THSD4: variants seen among roughly 807,000 people sequenced by gnomAD.
THSD4 encodes thrombospondin type 1 domain containing 4.
In THSD4, 69 loss-of-function variants were observed where a neutral mutation model predicts 119.0. The observed-to-expected ratio is 0.58, with a 90% CI of 0.48 to 0.71. The LOEUF is 0.71. Ranked by LOEUF, THSD4 falls within the 30% of genes least tolerant of loss-of-function variation. THSD4 has a pLI of 0.00. For synonymous variants in THSD4, 524 were observed against 540.4 expected (o/e 0.97, Z 0.42); for missense variants, 1,393 against 1,391.1 (o/e 1.00, Z -0.02).
chr15:71,764,026 C>T (rs555692451), intron 15 of THSD4, among the ~76,000 whole-genome samples: 226 of 151,948 alleles, frequency 1.5e-3, no homozygotes, highest in African/African-American at 3.2e-3. Context: ...AAGATCACTC[C>T]GCTGCACTCC....
intron 6 of THSD4, among the ~76,000 whole-genome samples, chr15:71,260,682 G>A (rs957179346): frequency 6.6e-6 from 1 of 152,096 alleles, no homozygotes; most frequent in Non-Finnish European, 1.5e-5. Flanking sequence ...CCATCTCTAG[G>A]TTCTGTTTAC....
At chr15:71,743,255 G>A (rs1328349050) in intron 11 of THSD4, among the ~76,000 whole-genome samples, 1 of 152,128 alleles carries the variant, frequency 6.6e-6, no homozygotes, top group African/African-American at 2.4e-5. Flanking sequence ...ATTCCTATGG[G>A]AGCCTGTATC....
At chr15:71,350,851 CCA>C (rs2045734871) in intron 6 of THSD4, among the ~76,000 whole-genome samples, 1 of 152,164 alleles carries the variant, frequency 6.6e-6, no homozygotes, top group Non-Finnish European at 1.5e-5. Context: ...AACCACGTGG[CCA>C]CACTTTTGTA....
intron 7 of THSD4, among the ~76,000 whole-genome samples, chr15:71,494,512 A>G (rs1057114689): frequency 6.6e-6 from 1 of 152,196 alleles, no homozygotes; most frequent in Non-Finnish European, 1.5e-5. Context: ...ATTATATACA[A>G]TGTTTCCTAT....
Position 71,215,093 on chromosome 15 carries a change from C to T in THSD4, c.158C>T (p.Pro53Leu). Residue 53 changes from proline to leucine, a missense_variant, in exon 4 of 18, where the codon CCG (proline) becomes CTG (leucine). Transcript: ENST00000261862. The part of the protein sequence containing the change: ...APEDDGGGGA[P>L]GVWGAWGPWS... Reference sequence around the variant, plus strand: ...GAGGACGACGGCGGCGGCGGCGCCCCGGGAGTGTGGGGCGCCTGGGGCCCC... The same window carrying T: ...GAGGACGACGGCGGCGGCGGCGCCCTGGGAGTGTGGGGCGCCTGGGGCCCC... The T allele has an allele frequency of 7.6e-7, 1 of 1,319,540 alleles. No homozygotes were observed. Among genetic ancestry groups the T allele is most frequent in the Non-Finnish European group, 9.7e-7 (1 of 1,033,690 alleles). 81.7% of individuals were successfully genotyped at this position (1,319,540 alleles called of 1,614,324 possible).
chr15:71,488,134 C>A (rs2047851373), intron 7 of THSD4, among the ~76,000 whole-genome samples: 1 of 152,156 alleles, frequency 6.6e-6, no homozygotes, highest in Non-Finnish European at 1.5e-5. Flanking sequence ...AGCTCTTGGG[C>A]AGCGGTAGAT....
intron 7 of THSD4, among the ~76,000 whole-genome samples, chr15:71,455,896 T>C (rs2047332559): frequency 6.6e-6 from 1 of 152,192 alleles, no homozygotes. Flanking sequence ...TTGTTTCCCT[T>C]GAGCAACAGA....
At chr15:71,718,268 C>G (rs1252327039) in intron 8 of THSD4, among the ~76,000 whole-genome samples, 1 of 152,092 alleles carries the variant, frequency 6.6e-6, no homozygotes, top group Non-Finnish European at 1.5e-5. Flanking sequence ...TCAGGTTTCT[C>G]TTCTAGATAA....
rs1019431332 is a variant in THSD4 at position 71,579,318 on chromosome 15, T to C, written c.1153-81212T>C. Among the ~76,000 whole-genome samples the C allele has an allele frequency of 2.6e-5, 4 of 152,306 alleles. No homozygotes were observed. The East Asian group carries it at 7.7e-4, about 29-fold the overall frequency. Reference sequence around the variant, plus strand: ...GTTAACTTGCTTGAGGCCAGCTGTGTGTGAGCATTACCGAGAGCCAGAATG... The same window carrying C: ...GTTAACTTGCTTGAGGCCAGCTGTGCGTGAGCATTACCGAGAGCCAGAATG... On this transcript the variant is annotated intron_variant, in intron 7 of 17. Transcript: ENST00000261862.
chr15:71,243,198 G>T, intron 5 of THSD4, 102 bp downstream of exon 5: 1 of 1,203,288 alleles, frequency 8.3e-7, no homozygotes, highest in South Asian at 1.5e-5. Flanking sequence ...TGGTGTCTGG[G>T]CCATGTTAAC....
intron 3 of THSD4, among the ~76,000 whole-genome samples, chr15:71,204,591 G>A (rs1433602851): frequency 6.6e-6 from 1 of 152,176 alleles, no homozygotes. Flanking sequence ...TATGGAAACT[G>A]AGGTCCCGAG....
At chr15:71,605,796 G>A (rs1231252964) in intron 7 of THSD4, among the ~76,000 whole-genome samples, 2 of 152,212 alleles carry the variant, frequency 1.3e-5, no homozygotes, top group African/African-American at 2.4e-5. Context: ...AGTATTCAAT[G>A]CCAAGAGGCA....
In THSD4 at chr15:71,711,721, C is replaced by T. The variant is rs551536663; in HGVS notation, c.1358-16828C>T. ...GAAACACATTTTTGAAAAGATATTTCGGGGAAATACTAATCAAAAGCAGGA... is the reference window on the plus strand; with the variant it reads ...GAAACACATTTTTGAAAAGATATTTTGGGGAAATACTAATCAAAAGCAGGA... On this transcript the variant is annotated intron_variant, in intron 8 of 17. Coordinates refer to ENST00000261862, the MANE Select transcript of THSD4 (RefSeq NM_024817.3). Among the ~76,000 whole-genome samples, 28 of 152,026 alleles carry T rather than the reference C, an allele frequency of 1.8e-4. No homozygotes were observed. In the South Asian group the frequency reaches 1.9e-3, roughly 10 times the overall value.
chr15:71,774,774 C>T (rs1201306934), intron 17 of THSD4, among the ~76,000 whole-genome samples: 1 of 142,376 alleles, frequency 7.0e-6, no homozygotes, highest in East Asian at 2.0e-4. Context: ...AAGACCCCAT[C>T]TCTGAAAAAA....
chr15:71,353,351 T>C (rs1242237096), intron 6 of THSD4, among the ~76,000 whole-genome samples: 1 of 152,210 alleles, frequency 6.6e-6, no homozygotes, highest in Non-Finnish European at 1.5e-5. Flanking sequence ...GTGTCCACTT[T>C]TTATTAGCAA....
At chr15:71,189,477 T>C (rs2043647851) in intron 3 of THSD4, among the ~76,000 whole-genome samples, 1 of 152,130 alleles carries the variant, frequency 6.6e-6, no homozygotes, top group Non-Finnish European at 1.5e-5. Flanking sequence ...GAGACCATCC[T>C]GGCTAACACA....
chr15:71,679,943 C>A (rs2051740178), intron 8 of THSD4, among the ~76,000 whole-genome samples: 1 of 152,134 alleles, frequency 6.6e-6, no homozygotes, highest in African/African-American at 2.4e-5. Context: ...TGTTAGAAAA[C>A]CAGAGTTTTT....
Position 71,783,053 on chromosome 15 carries a change from G to C in THSD4, c.*5679G>C, listed in dbSNP as rs2054021517. Reference sequence around the variant, plus strand: ...GCTGGGGATGCTGGGGCCAAGGCCTGTGGGGCCTGTGAACTGCACAGCCAG... The same window carrying C: ...GCTGGGGATGCTGGGGCCAAGGCCTCTGGGGCCTGTGAACTGCACAGCCAG... On this transcript the variant is annotated 3_prime_UTR_variant, in exon 18 of 18. Coordinates refer to ENST00000261862, the MANE Select transcript of THSD4 (RefSeq NM_024817.3). 1 of 152,274 alleles carries C rather than the reference G, an allele frequency of 6.6e-6. No individual in the cohort carries two copies. The highest frequency in any genetic ancestry group is 6.5e-5 in the Admixed American group (1 of 15,280). 9.4% of individuals were successfully genotyped at this position (152,274 alleles called of 1,614,324 possible). A position where few individuals can be genotyped will look rare whatever the true frequency, so the allele number is the denominator to read the frequency against.
In THSD4 at chr15:71,402,938, T is replaced by C. The variant is rs554540587; in HGVS notation, c.1016-8749T>C. Among the ~76,000 whole-genome samples, 6 of 152,342 alleles carry C rather than the reference T, an allele frequency of 3.9e-5. No homozygotes were observed. The South Asian group carries it at 1.2e-3, about 32-fold the overall frequency. ...TTTTCTATATGTACTTCATGCTAATTCAACTCAAGCTCTTCTAAATTGTGT... is the reference window on the plus strand; with the variant it reads ...TTTTCTATATGTACTTCATGCTAATCCAACTCAAGCTCTTCTAAATTGTGT... On this transcript the variant is annotated intron_variant, in intron 6 of 17. Transcript: ENST00000261862.
Sources: allele counts gnomAD v4.1 joint callset (sites outside exome capture counted in the v4.1 genomes callset), GRCh38; gene constraint gnomAD v4.1.1; transcripts MANE v1.5; gene names NCBI Gene and HGNC (gene_info 2026-07-23, HGNC 2026-07-21).